Variants in CACNB2 observed in about 807,000 individuals in gnomAD.
CACNB2 encodes calcium voltage-gated channel auxiliary subunit beta 2, also known as voltage-dependent L-type calcium channel subunit beta-2.
In CACNB2, 42 loss-of-function variants were observed where a neutral mutation model predicts 73.3. The ratio of observed to expected loss-of-function variants is 0.57; its 90% CI spans 0.45 to 0.74. The LOEUF (loss-of-function observed/expected upper bound fraction) is 0.74, where lower values mean the gene tolerates loss of function less well. Among genes scored for constraint, CACNB2 ranks in the 30% least tolerant of loss-of-function variants. The pLI, the probability that CACNB2 is intolerant of heterozygous loss-of-function variation, is 0.00. For synonymous variants in CACNB2, 348 were observed against 310.3 expected, an observed-to-expected ratio of 1.12 and a Z score of -1.28; for missense variants, 940 against 853.0, an observed-to-expected ratio of 1.10 and a Z score of -1.27.
intron 2 of CACNB2, among the ~76,000 whole-genome samples, chr10:18,161,206 A>G (rs1321669096): frequency 1.3e-5 from 2 of 152,192 alleles, no homozygotes; most frequent in African/African-American, 4.8e-5. Context: ...GTCCCCTGCC[A>G]TTGCCTTGGC....
intron 3 of CACNB2, among the ~76,000 whole-genome samples, chr10:18,422,623 G>A (rs1428712150): frequency 1.3e-5 from 2 of 152,098 alleles, no homozygotes; most frequent in Non-Finnish European, 2.9e-5. Flanking sequence ...AGCATATTGG[G>A]TTATTTGTTT....
chr10:18,493,407 C>G (rs772115580), intron 3 of CACNB2, among the ~76,000 whole-genome samples: 15 of 152,100 alleles, frequency 9.9e-5, no homozygotes, highest in Non-Finnish European at 2.2e-4. Context: ...ATCTCGTGAT[C>G]CGCCCACCTC....
intron 1 of CACNB2, among the ~76,000 whole-genome samples, chr10:18,147,049 T>C (rs537041899): frequency 1.3e-5 from 2 of 152,324 alleles, no homozygotes; most frequent in South Asian, 4.2e-4. Context: ...CAAGACAACT[T>C]TGAGTGCACG....
chr10:18,518,330 C>T lies in CACNB2; in HGVS notation c.805-6C>T, dbSNP rs564088001. On this transcript the variant is annotated splice_polypyrimidine_tract_variant and splice_region_variant and intron_variant, in intron 7 of 13. Coordinates refer to ENST00000324631, the MANE Select transcript of CACNB2 (RefSeq NM_201596.3). ...AAACGTCTAAAAGCCTCTCCTCTCT[C>T]TGCAGACAGAGCACACTCCTCCGTA... is the stretch of plus-strand genomic sequence containing the variant. 2 of 1,606,562 alleles carry T rather than the reference C, an allele frequency of 1.2e-6. No homozygotes were observed. The highest frequency in any genetic ancestry group is 1.7e-4 in the Middle Eastern group (1 of 6,048).
chr10:18,352,941 C>G (rs2041770447), intron 2 of CACNB2, among the ~76,000 whole-genome samples: 1 of 152,062 alleles, frequency 6.6e-6, no homozygotes, highest in South Asian at 2.1e-4. Flanking sequence ...TTATAGAATA[C>G]TTTAATAAAG....
At chr10:18,299,568 A>C (rs563448725) in intron 2 of CACNB2, among the ~76,000 whole-genome samples, 1 of 152,242 alleles carries the variant, frequency 6.6e-6, no homozygotes, top group African/African-American at 2.4e-5. Flanking sequence ...AAAATTAGCC[A>C]GGCATGGTGG....
intron 1 of CACNB2, among the ~76,000 whole-genome samples, chr10:18,144,260 A>C (rs1461282523): frequency 2.0e-5 from 3 of 152,020 alleles, no homozygotes; most frequent in Non-Finnish European, 4.4e-5. Flanking sequence ...TTGTATTTTT[A>C]GTAGAGACGA....
chr10:18,197,118 C>G (rs1021156150), intron 2 of CACNB2, among the ~76,000 whole-genome samples: 2 of 152,136 alleles, frequency 1.3e-5, no homozygotes, highest in African/African-American at 4.8e-5. Context: ...CTATAATGAT[C>G]ATGACATTGG....
Position 18,539,810 on chromosome 10 carries a change from C to CACTGCAATCATATGTGATCTG in CACNB2, c.*87_*107dup. On this transcript the variant is annotated 3_prime_UTR_variant, in exon 14 of 14. Coordinates refer to ENST00000324631, the MANE Select transcript of CACNB2 (RefSeq NM_201596.3). Reference sequence around the variant, plus strand: ...CCCAAAACAAAGTCTTTGGGGTCTACACTGCAATCATATGTGATCTGTCTT... The same window carrying CACTGCAATCATATGTGATCTG: ...CCCAAAACAAAGTCTTTGGGGTCTACACTGCAATCATATGTGATCTGACTGCAATCATATGTGATCTGTCTT... 7.6e-7 allele frequency: 1 copy of CACTGCAATCATATGTGATCTG among 1,309,066 alleles called. No individual in the cohort carries two copies. The highest frequency in any genetic ancestry group is 1.3e-5 in the South Asian group (1 of 76,868). The allele number at this position is 1,309,066 out of a possible 1,614,324, so 81.1% of individuals were successfully genotyped here.
chr10:18,315,191 G>A (rs1294222372), intron 2 of CACNB2, among the ~76,000 whole-genome samples: 1 of 151,844 alleles, frequency 6.6e-6, no homozygotes, highest in Non-Finnish European at 1.5e-5. Flanking sequence ...AAAATTAGCA[G>A]GGTGTGGTGG....
chr10:18,159,436 A>C (rs1347068091), intron 2 of CACNB2, among the ~76,000 whole-genome samples: 1 of 152,118 alleles, frequency 6.6e-6, no homozygotes, highest in Non-Finnish European at 1.5e-5. Context: ...CTGATCAGGG[A>C]TTTTGCTCAC....
intron 2 of CACNB2, among the ~76,000 whole-genome samples, chr10:18,205,863 G>T (rs2035068088): frequency 1.3e-5 from 2 of 152,136 alleles, no homozygotes; most frequent in South Asian, 4.1e-4. Context: ...AGACAGGAAG[G>T]CATCTTTGTT....
intron 2 of CACNB2, among the ~76,000 whole-genome samples, chr10:18,179,195 C>T (rs11012883): frequency 0.075 from 11,406 of 152,128 alleles, 526 homozygotes; most frequent in East Asian, 0.26. Context: ...AGGAATAACC[C>T]TTTAGCAGAA....
intron 3 of CACNB2, among the ~76,000 whole-genome samples, chr10:18,463,594 T>G (rs528058461): frequency 1.1e-3 from 146 of 129,756 alleles, no homozygotes; most frequent in African/African-American, 4.2e-3. Flanking sequence ...GTTTTTTTTT[T>G]GTTGTTTTTT....
At chr10:18,535,300 ATTGTTTCTC>A (rs2053454353) in intron 11 of CACNB2, among the ~76,000 whole-genome samples, 1 of 152,140 alleles carries the variant, frequency 6.6e-6, no homozygotes, top group Non-Finnish European at 1.5e-5. Flanking sequence ...ACTATACTAA[ATTGTTTCTC>A]CTTTTCTCAA....
At chr10:18,345,098 A>AT (rs1197736915) in intron 2 of CACNB2, among the ~76,000 whole-genome samples, 2 of 152,212 alleles carry the variant, frequency 1.3e-5, no homozygotes, top group Non-Finnish European at 2.9e-5. Context: ...TGATTTTATA[A>AT]TTTTGTTTTC....
In CACNB2 at chr10:18,533,384, G is replaced by A. The variant is rs61839358; in HGVS notation, c.1055-692G>A. On this transcript the variant is annotated intron_variant, in intron 10 of 13. Coordinates refer to ENST00000324631, the MANE Select transcript of CACNB2 (RefSeq NM_201596.3). ...CAGACAGTCCGGTTTTTGAGTCTTTGGAGATCACAGAACAGATGAACTGAA... is the reference window on the plus strand; with the variant it reads ...CAGACAGTCCGGTTTTTGAGTCTTTAGAGATCACAGAACAGATGAACTGAA... 348 of 152,210 alleles carry A rather than the reference G, an allele frequency of 2.3e-3. 1 individual carries two copies. Among genetic ancestry groups the A allele is most frequent in the Non-Finnish European group, 3.9e-3 (264 of 68,062 alleles). 9.4% of individuals were successfully genotyped at this position (152,210 alleles called of 1,614,324 possible).
intron 2 of CACNB2, among the ~76,000 whole-genome samples, chr10:18,210,322 G>C (rs1003600999): frequency 2.6e-5 from 4 of 152,152 alleles, no homozygotes; most frequent in Admixed American, 6.5e-5. Flanking sequence ...CGTGTGTGTA[G>C]GTATACATAT....
At chr10:18,494,987 GGTACA>G (rs1200743160) in intron 3 of CACNB2, among the ~76,000 whole-genome samples, 1 of 151,832 alleles carries the variant, frequency 6.6e-6, no homozygotes, top group Non-Finnish European at 1.5e-5. Context: ...TTTAGTGCTG[GGTACA>G]GTATAAAACA....
Sources: gnomAD v4.1 joint callset for allele counts (sites outside exome capture counted in the v4.1 genomes callset) on GRCh38, gnomAD v4.1.1 for gene constraint, MANE v1.5 for transcripts, NCBI Gene and HGNC (gene_info 2026-07-23, HGNC 2026-07-21) for gene names.